The following CPED1 variants were observed in gnomAD, a reference collection of about 807,000 sequenced individuals.
CPED1 encodes the protein cadherin like and PC-esterase domain containing 1.
Under a neutral mutation model 128.2 loss-of-function variants are expected in CPED1, and 114 were observed. The ratio of observed to expected loss-of-function variants is 0.89; its 90% confidence interval spans 0.76 to 1.04. CPED1 has a LOEUF of 1.04. Ranked by LOEUF, CPED1 falls within the 50% of genes least tolerant of loss-of-function variation. The pLI, the probability that CPED1 is intolerant of heterozygous loss-of-function variation, is 0.00. For missense variants in CPED1, 1,211 were observed against 1,207.1 expected, an observed-to-expected ratio of 1.00 and a Z score of -0.05; for synonymous variants, 462 against 426.7, an observed-to-expected ratio of 1.08 and a Z score of -1.02.
At chr7:121,073,698 A>T (rs1472336097) in intron 5 of CPED1, among the ~76,000 whole-genome samples, 1 of 152,036 alleles carries the variant, frequency 6.6e-6, no homozygotes, top group Admixed American at 6.6e-5. Flanking sequence ...ACTCATCTCC[A>T]TGAAATCATG....
chr7:121,056,311 G>A (rs1793497833), intron 4 of CPED1, among the ~76,000 whole-genome samples: 1 of 151,974 alleles, frequency 6.6e-6, no homozygotes, highest in South Asian at 2.1e-4. Flanking sequence ...GAAAAATACT[G>A]TTTTAGGGAA....
intron 16 of CPED1, among the ~76,000 whole-genome samples, chr7:121,155,348 T>C (rs1796260974): frequency 6.6e-6 from 1 of 152,058 alleles, no homozygotes; most frequent in African/African-American, 2.4e-5. Context: ...TTCACAGAAA[T>C]AGAAAAACAA....
intron 2 of CPED1, among the ~76,000 whole-genome samples, chr7:120,995,332 T>C (rs1352278724): frequency 6.6e-6 from 1 of 152,214 alleles, no homozygotes; most frequent in Non-Finnish European, 1.5e-5. Context: ...GAAGTGACTC[T>C]TTCTTGAAAT....
intron 3 of CPED1, among the ~76,000 whole-genome samples, chr7:121,023,172 G>A (rs901761953): frequency 3.9e-5 from 6 of 152,108 alleles, no homozygotes; most frequent in Admixed American, 3.9e-4. Context: ...TTCTACAGTT[G>A]CAGCAGAAGC....
chr7:121,099,253 G>T (rs1467010007), intron 6 of CPED1, among the ~76,000 whole-genome samples: 1 of 151,910 alleles, frequency 6.6e-6, no homozygotes, highest in Non-Finnish European at 1.5e-5. Context: ...TATCACTTTT[G>T]TTGCAATGGT....
Position 120,989,527 on chromosome 7 carries a change from AAAG to A in CPED1, c.-90_-88del, listed in dbSNP as rs1220996156. 16 of 1,491,356 alleles carry A rather than the reference AAAG, an allele frequency of 1.1e-5. No individual in the cohort carries two copies. The East Asian group carries it at 3.6e-4, about 34-fold the overall frequency. The allele number at this position is 1,491,356 out of a possible 1,614,324, so 92.4% of individuals were successfully genotyped here. A position where few individuals can be genotyped will look rare whatever the true frequency, so the allele number is the denominator to read the frequency against. On this transcript the variant is annotated 5_prime_UTR_variant, in exon 2 of 23. Coordinates refer to ENST00000310396, the MANE Select transcript of CPED1 (RefSeq NM_024913.5). ...AGCAAACTTGATTGGAGTTGGGGAAAAAGAAGACAGATTAGTATTTTTCATGCT... is the reference window on the plus strand; with the variant it reads ...AGCAAACTTGATTGGAGTTGGGGAAAAAGACAGATTAGTATTTTTCATGCT...
chr7:121,077,096 G>A (rs1415727489), intron 5 of CPED1, among the ~76,000 whole-genome samples: 1 of 151,922 alleles, frequency 6.6e-6, no homozygotes, highest in Non-Finnish European at 1.5e-5. Context: ...ATGAAACTTG[G>A]GAGAGTTCAG....
At chr7:121,009,612 A>AC (rs1308561845) in intron 2 of CPED1, among the ~76,000 whole-genome samples, 3 of 151,504 alleles carry the variant, frequency 2.0e-5, no homozygotes, top group African/African-American at 7.3e-5. Context: ...GTCTCAAAAA[A>AC]AAAAAAAAAA....
At chr7:120,996,722 A>G (rs2116744670) in intron 2 of CPED1, among the ~76,000 whole-genome samples, 1 of 152,274 alleles carries the variant, frequency 6.6e-6, no homozygotes. Context: ...ATTAATTCAG[A>G]TAAGAGTTCA....
chr7:121,227,067 G>A (rs1035852663), intron 16 of CPED1, among the ~76,000 whole-genome samples: 1 of 152,048 alleles, frequency 6.6e-6, no homozygotes, highest in Non-Finnish European at 1.5e-5. Flanking sequence ...GAATTATTTA[G>A]ACAATTATTC....
chr7:121,255,929 A>G (rs1362290117), intron 18 of CPED1, among the ~76,000 whole-genome samples: 3 of 151,876 alleles, frequency 2.0e-5, no homozygotes, highest in Non-Finnish European at 2.9e-5. Context: ...AAATGGAAAA[A>G]CCTTACATGT....
At chr7:121,084,854 C>G (rs1180581212) in intron 5 of CPED1, among the ~76,000 whole-genome samples, 2 of 152,150 alleles carry the variant, frequency 1.3e-5, no homozygotes, top group African/African-American at 2.4e-5. Flanking sequence ...AGAATGAATG[C>G]CTAACCATTT....
chr7:121,078,502 A>G (rs199551961), intron 5 of CPED1, among the ~76,000 whole-genome samples: 21 of 3,932 alleles, frequency 5.3e-3, no homozygotes, highest in South Asian at 0.024. Flanking sequence ...AAGAAAGAAA[A>G]AAAAAAAAAA....
At chr7:121,055,192 A>C (rs1029669732) in intron 4 of CPED1, among the ~76,000 whole-genome samples, 3 of 152,216 alleles carry the variant, frequency 2.0e-5, no homozygotes, top group African/African-American at 7.2e-5. Context: ...GTATGAATAT[A>C]ACTTTTTCTC....
At chr7:121,150,967 C>G (rs183720685) in intron 16 of CPED1, among the ~76,000 whole-genome samples, 33 of 152,170 alleles carry the variant, frequency 2.2e-4, no homozygotes, top group Admixed American at 6.5e-4. Flanking sequence ...TGGGATTCGC[C>G]ATTTTGGCCA....
chr7:120,990,458 A>G (rs1340498396), intron 2 of CPED1, among the ~76,000 whole-genome samples: 1 of 152,228 alleles, frequency 6.6e-6, no homozygotes, highest in Non-Finnish European at 1.5e-5. Context: ...TCAGGGAAAT[A>G]CAGATTATTC....
chr7:121,000,205 C>G (rs1377339069), intron 2 of CPED1, among the ~76,000 whole-genome samples: 3 of 152,144 alleles, frequency 2.0e-5, no homozygotes, highest in African/African-American at 7.2e-5. Flanking sequence ...TCTGTTCTCA[C>G]TAAAAGAATG....
At chr7:121,075,087 T>A (rs1159540529) in intron 5 of CPED1, among the ~76,000 whole-genome samples, 1 of 152,182 alleles carries the variant, frequency 6.6e-6, no homozygotes, top group Non-Finnish European at 1.5e-5. Flanking sequence ...TTGGGAGCAT[T>A]TTCAGCATTA....
At chr7:121,022,780 G>A (rs745969285) in intron 3 of CPED1, among the ~76,000 whole-genome samples, 3 of 152,026 alleles carry the variant, frequency 2.0e-5, no homozygotes, top group East Asian at 1.9e-4. Flanking sequence ...CAAAAACCGC[G>A]TCATATCACT....
Sources: allele counts gnomAD v4.1 joint callset (sites outside exome capture counted in the v4.1 genomes callset), GRCh38; gene constraint gnomAD v4.1.1; transcripts MANE v1.5; gene names NCBI Gene and HGNC (gene_info 2026-07-23, HGNC 2026-07-21).